CHL1: variants seen among roughly 807,000 people sequenced by gnomAD.
CHL1 encodes the protein cell adhesion molecule L1 like.
CHL1 carries 96 observed loss-of-function variants against 141.9 expected under a neutral mutation model. That is an observed-to-expected ratio of 0.68 (90% CI 0.57 to 0.80). The LOEUF is 0.80. Ranked by LOEUF, CHL1 falls within the 30% of genes least tolerant of loss-of-function variation. The probability of loss-of-function intolerance (pLI) is 0.00; values close to 1 mark genes in which losing one functional copy is unlikely to be tolerated. For synonymous variants in CHL1, 613 were observed against 502.2 expected (o/e 1.22, Z -2.95); for missense variants, 1,820 against 1,457.2 (o/e 1.25, Z -4.05).
chr3:286,373 G>A (rs144885348), intron 2 of CHL1, among the ~76,000 whole-genome samples: 10,378 of 152,160 alleles, frequency 0.068, 382 homozygotes, highest in Middle Eastern at 0.085. Context: ...CACTTTGGGA[G>A]GCCGAAGTGA....
At chr3:376,677 A>T (rs1205719932) in intron 15 of CHL1, among the ~76,000 whole-genome samples, 4 of 152,248 alleles carry the variant, frequency 2.6e-5, no homozygotes, top group African/African-American at 9.6e-5. Flanking sequence ...ATTAAAGTAT[A>T]TTCTTTCATC....
chr3:382,739 A>C (rs1707206280), intron 18 of CHL1, 68 bp downstream of exon 18: 1 of 1,347,300 alleles, frequency 7.4e-7, no homozygotes, highest in African/African-American at 1.4e-5. Context: ...ACATCTAAAA[A>C]AAAAAGATTG....
At chr3:292,541 A>G (rs140236146) in intron 2 of CHL1, among the ~76,000 whole-genome samples, 1 of 152,346 alleles carries the variant, frequency 6.6e-6, no homozygotes, top group African/African-American at 2.4e-5. Context: ...CACAGTAGGT[A>G]AATCTTATTG....
intron 2 of CHL1, among the ~76,000 whole-genome samples, chr3:291,423 A>AT (rs1326274987): frequency 6.7e-6 from 1 of 149,042 alleles, no homozygotes; most frequent in Non-Finnish European, 1.5e-5. Context: ...TTTTAGTTTT[A>AT]TTTTTTCTTT....
chr3:314,286 C>G (rs1402847772), intron 2 of CHL1, among the ~76,000 whole-genome samples: 3 of 139,014 alleles, frequency 2.2e-5, no homozygotes, highest in Non-Finnish European at 3.1e-5. Flanking sequence ...CATAACCTCC[C>G]CCCAATCTTG....
At chr3:395,074 T>A (rs1708560280) in intron 24 of CHL1, among the ~76,000 whole-genome samples, 1 of 152,186 alleles carries the variant, frequency 6.6e-6, no homozygotes, top group South Asian at 2.1e-4. Context: ...CTGACTCAAT[T>A]TATGGATTTC....
At chr3:224,656 T>C (rs1432239000) in intron 1 of CHL1, among the ~76,000 whole-genome samples, 1 of 152,158 alleles carries the variant, frequency 6.6e-6, no homozygotes, top group East Asian at 1.9e-4. Flanking sequence ...GCCATGCTTG[T>C]ACAGCTTGAA....
At chr3:339,489 C>A (rs908811200) in intron 5 of CHL1, among the ~76,000 whole-genome samples, 1 of 152,100 alleles carries the variant, frequency 6.6e-6, no homozygotes, top group African/African-American at 2.4e-5. Context: ...TCTTATAGAA[C>A]GAGTTGAGCA....
chr3:200,588 A>T (rs1698832782), intron 1 of CHL1, among the ~76,000 whole-genome samples: 1 of 152,220 alleles, frequency 6.6e-6, no homozygotes, highest in Non-Finnish European at 1.5e-5. Context: ...TGCTAAGTTA[A>T]CACAGCTAAT....
At chr3:248,758 C>T (rs112163649) in intron 2 of CHL1, among the ~76,000 whole-genome samples, 2,898 of 152,096 alleles carry the variant, frequency 0.019, 40 homozygotes, top group Non-Finnish European at 0.029. Flanking sequence ...TACTGCATTG[C>T]AGAGAAAAGA....
chr3:294,994 T>C (rs984211179), intron 2 of CHL1, among the ~76,000 whole-genome samples: 52 of 152,236 alleles, frequency 3.4e-4, no homozygotes, highest in Non-Finnish European at 4.4e-5. Flanking sequence ...AAAATGGTAA[T>C]AATTTGTAGA....
chr3:360,750 C>G (rs1704164302), intron 12 of CHL1, among the ~76,000 whole-genome samples: 1 of 130,918 alleles, frequency 7.6e-6, no homozygotes, highest in South Asian at 2.8e-4. Flanking sequence ...CCTCCCCCCA[C>G]CCCACAACAG....
At chr3:234,141 AAAAT>A (rs1691698409) in intron 1 of CHL1, among the ~76,000 whole-genome samples, 1 of 151,858 alleles carries the variant, frequency 6.6e-6, no homozygotes, top group Non-Finnish European at 1.5e-5. Flanking sequence ...GAAATACACT[AAAAT>A]ATTATTTTAC....
chr3:262,892 A>G (rs1694854235), intron 2 of CHL1, among the ~76,000 whole-genome samples: 1 of 152,302 alleles, frequency 6.6e-6, no homozygotes, highest in South Asian at 2.1e-4. Context: ...GTTTGGCCCC[A>G]CTAGGGTTTC....
At chr3:210,049 C>T (rs1046139473) in intron 1 of CHL1, among the ~76,000 whole-genome samples, 1 of 152,080 alleles carries the variant, frequency 6.6e-6, no homozygotes, top group Non-Finnish European at 1.5e-5. Flanking sequence ...CTGTTTAAGA[C>T]CTCAATAGAT....
At chr3:254,304 A>G (rs1559341784) in intron 2 of CHL1, among the ~76,000 whole-genome samples, 1 of 152,148 alleles carries the variant, frequency 6.6e-6, no homozygotes, top group Non-Finnish European at 1.5e-5. Flanking sequence ...CCTCACTAAT[A>G]AACAAGACTC....
At chr3:223,261 G>A (rs1701018117) in intron 1 of CHL1, among the ~76,000 whole-genome samples, 1 of 152,072 alleles carries the variant, frequency 6.6e-6, no homozygotes, top group South Asian at 2.1e-4. Flanking sequence ...ATCCCTATCT[G>A]ATATAAAACA....
At chr3:257,420 C>T (rs1380737371) in intron 2 of CHL1, among the ~76,000 whole-genome samples, 1 of 151,336 alleles carries the variant, frequency 6.6e-6, no homozygotes, top group East Asian at 1.9e-4. Context: ...GTGGCACCAC[C>T]TCGGCTCACT....
At chr3:345,866 A>T (rs1702728610) in intron 9 of CHL1, among the ~76,000 whole-genome samples, 1 of 152,186 alleles carries the variant, frequency 6.6e-6, no homozygotes. Flanking sequence ...TTTATTAACT[A>T]CTGTTAAGTA....
Sources: allele counts gnomAD v4.1 joint callset (sites outside exome capture counted in the v4.1 genomes callset), GRCh38; gene constraint gnomAD v4.1.1; transcripts MANE v1.5; gene names NCBI Gene and HGNC (gene_info 2026-07-23, HGNC 2026-07-21).